Variants in MEI1 observed in about 807,000 individuals in gnomAD.
MEI1 encodes the protein meiosis inhibitor protein 1.
In MEI1, 103 loss-of-function variants were observed where a neutral mutation model predicts 146.2. The ratio of observed to expected loss-of-function variants is 0.70; its 90% CI spans 0.60 to 0.83. MEI1 has a LOEUF of 0.83. MEI1 is among the 40% of genes least tolerant of loss of function. The probability of loss-of-function intolerance (pLI) is 0.00; values close to 1 mark genes in which losing one functional copy is unlikely to be tolerated. For missense variants in MEI1, 1,529 were observed against 1,533.0 expected, an observed-to-expected ratio of 1.00 and a Z score of 0.04; for synonymous variants, 652 against 628.2, an observed-to-expected ratio of 1.04 and a Z score of -0.57.
At chr22:41,710,876 A>G (rs1195888756) in intron 3 of MEI1, among the ~76,000 whole-genome samples, 1 of 152,236 alleles carries the variant, frequency 6.6e-6, no homozygotes, top group African/African-American at 2.4e-5. Flanking sequence ...CAGTCATAGC[A>G]GTAATCAATT....
chr22:41,780,417 A>G (rs2075692028), intron 22 of MEI1, among the ~76,000 whole-genome samples: 1 of 152,004 alleles, frequency 6.6e-6, no homozygotes, highest in African/African-American at 2.4e-5. Context: ...GGGAGATGGG[A>G]AGTGGGAGTT....
At chr22:41,751,809 C>T (rs939335301) in intron 15 of MEI1, among the ~76,000 whole-genome samples, 114 of 149,426 alleles carry the variant, frequency 7.6e-4, no homozygotes, top group Non-Finnish European at 1.5e-3. Flanking sequence ...CAGTGGGTCA[C>T]ACCTGTAATC....
Position 41,784,746 on chromosome 22 carries a change from G to T in MEI1, c.3308G>T (p.Arg1103Leu), listed in dbSNP as rs1421289628. 6.2e-7 allele frequency: 1 copy of T among 1,611,864 alleles called. No homozygotes were observed. Residue 1103 changes from arginine (R) to leucine (L), a missense_variant, in exon 26 of 31, where the codon CGG becomes CTG. Arg to Leu is a moderately radical substitution (Grantham distance 102, BLOSUM62 -2). Coordinates refer to ENST00000401548, the MANE Select transcript of MEI1 (RefSeq NM_152513.4). ...VLAPLRMSQV[R>L]SLVIGLQNLL... Reference sequence around the variant, plus strand: ...GCTCCACTGCGAATGTCGCAAGTCCGGTCCCTGGTCATTGGGCTGCAGAAC... The same window carrying T: ...GCTCCACTGCGAATGTCGCAAGTCCTGTCCCTGGTCATTGGGCTGCAGAAC...
At position 41,754,052 on chromosome 22, in the gene MEI1, A is replaced by T. The variant is rs747221388; in HGVS notation, c.1951+6A>T. ...AGGACCACCTTCCAAAGAAGGTAAG[A>T]TGCTACAATTTGACCACTCATGTGG... On this transcript the variant is annotated splice_donor_region_variant and intron_variant, in intron 17 of 30. Coordinates refer to ENST00000401548, the MANE Select transcript of MEI1 (RefSeq NM_152513.4). 6.2e-7 allele frequency: 1 copy of T among 1,601,512 alleles called. No homozygotes were observed. The highest frequency in any genetic ancestry group is 1.3e-5 in the African/African-American group (1 of 74,612).
chr22:41,764,579 G>T (rs887952393), intron 19 of MEI1, among the ~76,000 whole-genome samples: 6 of 152,306 alleles, frequency 3.9e-5, no homozygotes, highest in African/African-American at 1.4e-4. Flanking sequence ...TAGACTGAAG[G>T]GTCCACACTA....
At position 41,770,715 on chromosome 22, in the gene MEI1, A is replaced by G. The variant is rs1447802198; in HGVS notation, c.2298A>G (p.Leu766=). The change falls in exon 20 of 31, where the codon CTA becomes CTG. Residue 766 remains leucine (L), a synonymous_variant. Coordinates refer to ENST00000401548, the MANE Select transcript of MEI1 (RefSeq NM_152513.4). Reference sequence around the variant, plus strand: ...TGGTCAGTGCAATCAGAAAATTCCTAGAAGGCATCCCAGACCTGCAGCTAG... The same window carrying G: ...TGGTCAGTGCAATCAGAAAATTCCTGGAAGGCATCCCAGACCTGCAGCTAG... The part of the protein sequence containing the change: ...ETMVSAIRKF[L]EGIPDLQLVY... The G allele has an allele frequency of 1.9e-6, 3 of 1,613,718 alleles. No individual in the cohort carries two copies. The African/African-American group carries it at 4.0e-5, about 22-fold the overall frequency.
intron 18 of MEI1, among the ~76,000 whole-genome samples, chr22:41,761,077 T>C (rs5758459): frequency 0.83 from 126,783 of 151,998 alleles, 53,833 homozygotes; most frequent in African/African-American, 0.95. Context: ...TTTGGAAGGC[T>C]GAGGTAGGTG....
chr22:41,724,141 G>T, intron 7 of MEI1, 68 bp downstream of exon 7: 1 of 1,564,732 alleles, frequency 6.4e-7, no homozygotes, highest in African/African-American at 1.4e-5. Context: ...CTTGGGCCTT[G>T]TCTTCATCTA....
At chr22:41,748,923 G>T (rs5758452) in intron 15 of MEI1, among the ~76,000 whole-genome samples, 1 of 151,652 alleles carries the variant, frequency 6.6e-6, no homozygotes, top group African/African-American at 2.4e-5. Context: ...CTGTTTCAGC[G>T]TCCTGATTAG....
intron 11 of MEI1, among the ~76,000 whole-genome samples, chr22:41,738,761 ACT>A (rs1472723087): frequency 3.3e-5 from 5 of 149,642 alleles, no homozygotes; most frequent in South Asian, 2.1e-4. Context: ...ACAGAGCAAG[ACT>A]CTGTCTCAAA....
rs1601803370 is a variant in MEI1 at position 41,732,137 on chromosome 22, G to A, written c.1097-108G>A. The A allele has an allele frequency of 8.8e-6, 7 of 792,802 alleles. No homozygotes were observed. The East Asian group carries it at 1.9e-4, about 21-fold the overall frequency. 49.1% of individuals were successfully genotyped at this position (792,802 alleles called of 1,614,324 possible). A position where few individuals can be genotyped will look rare whatever the true frequency, so the allele number is the denominator to read the frequency against. ...ATCTTGTCAGGGTCCCTCCACGAGT[G>A]GCCTCCAACTCATACATGCTGTCCA... On this transcript the variant is annotated intron_variant, in intron 9 of 30. Transcript: ENST00000401548.
intron 4 of MEI1, 44 bp downstream of exon 4, chr22:41,714,119 G>C: frequency 6.5e-7 from 1 of 1,533,644 alleles, no homozygotes. Context: ...AGAATCCTCA[G>C]ATGTCAGAGC....
chr22:41,781,272 C>G lies in MEI1; in HGVS notation c.2816-12C>G, dbSNP rs768591068. The G allele has an allele frequency of 1.2e-6, 2 of 1,601,396 alleles. No individual in the cohort carries two copies. Among genetic ancestry groups the G allele is most frequent in the African/African-American group, 1.3e-5 (1 of 74,680 alleles). On this transcript the variant is annotated splice_polypyrimidine_tract_variant and intron_variant, in intron 22 of 30. Coordinates refer to ENST00000401548, the MANE Select transcript of MEI1 (RefSeq NM_152513.4). ...TTGCGACAGGCCGACTGGGGACTTT[C>G]ATCTCTTGCAGTAAGCAAGCTGTGT...
intron 5 of MEI1, 40 bp downstream of exon 5, chr22:41,716,186 C>A (rs772636092): frequency 7.3e-7 from 1 of 1,377,458 alleles, no homozygotes; most frequent in Non-Finnish European, 1.0e-6. Flanking sequence ...ACCCTTTTAC[C>A]TGCTTTTATC....
chr22:41,761,694 C>T (rs2074507749), intron 18 of MEI1, among the ~76,000 whole-genome samples: 1 of 152,152 alleles, frequency 6.6e-6, no homozygotes, highest in Non-Finnish European at 1.5e-5. Context: ...GTGAACAATT[C>T]AGTGGTATTT....
At position 41,723,972 on chromosome 22, in the gene MEI1, CTCTT is replaced by C; in HGVS notation, c.765_768del (p.Phe256CysfsTer3). 6.2e-7 allele frequency: 1 copy of C among 1,609,174 alleles called. No homozygotes were observed. Among genetic ancestry groups the C allele is most frequent in the Admixed American group, 1.7e-5 (1 of 59,072 alleles). ...GCTGAGGCAGCTGTTGAAGTATGAT[CTCTT>C]TGTGTCCATGATCATGAACCAGGAT... On this transcript the variant is annotated frameshift_variant, in exon 7 of 31. Transcript: ENST00000401548. LOFTEE classifies it high-confidence loss of function.
intron 14 of MEI1, chr22:41,747,281 C>T (rs1036349133): frequency 2.6e-5 from 4 of 151,530 alleles, no homozygotes; most frequent in African/African-American, 7.3e-5. Context: ...CCACATAAGA[C>T]TGCCTCATGA....
At chr22:41,714,820 G>A (rs1175313567) in intron 4 of MEI1, among the ~76,000 whole-genome samples, 1 of 151,986 alleles carries the variant, frequency 6.6e-6, no homozygotes, top group Non-Finnish European at 1.5e-5. Context: ...GGTGGAGTTT[G>A]CAGTGAGCTG....
chr22:41,729,807 C>G (rs780324336), intron 8 of MEI1, 28 bp downstream of exon 8: 1 of 1,459,832 alleles, frequency 6.9e-7, no homozygotes, highest in South Asian at 1.2e-5. Context: ...ACCTTCTCCT[C>G]CCTATACTAG....
Sources: allele counts gnomAD v4.1 joint callset (sites outside exome capture counted in the v4.1 genomes callset), GRCh38; gene constraint gnomAD v4.1.1; transcripts MANE v1.5; gene names NCBI Gene and HGNC (gene_info 2026-07-23, HGNC 2026-07-21).